Variants in MSRA observed in about 807,000 individuals in gnomAD.
The protein encoded by MSRA is mitochondrial peptide methionine sulfoxide reductase.
In MSRA, 54 loss-of-function variants were observed where a neutral mutation model predicts 31.3. The ratio of observed to expected loss-of-function variants is 1.73; its 90% CI spans 1.39 to 2.17. MSRA has a LOEUF of 2.17. Among genes scored for constraint, MSRA ranks in the 30% most tolerant of loss-of-function variants. The pLI is 0.00. For missense variants in MSRA, 507 were observed against 300.9 expected (o/e 1.69, Z -5.07); for synonymous variants, 169 against 116.5 (o/e 1.45, Z -2.90).
intron 5 of MSRA, among the ~76,000 whole-genome samples, chr8:10,355,132 C>T (rs545513711): frequency 1.1e-4 from 16 of 152,332 alleles, no homozygotes; most frequent in African/African-American, 3.6e-4. Flanking sequence ...GGGTTCCGTG[C>T]ACCTCCTTTA....
intron 3 of MSRA, among the ~76,000 whole-genome samples, chr8:10,300,822 A>G (rs550562783): frequency 3.3e-5 from 5 of 152,356 alleles, no homozygotes; most frequent in Admixed American, 6.5e-5. Context: ...TGAATTTCAC[A>G]GGTACAAGCA....
At chr8:10,295,350 C>T (rs1800476161) in intron 3 of MSRA, among the ~76,000 whole-genome samples, 1 of 152,074 alleles carries the variant, frequency 6.6e-6, no homozygotes, top group African/African-American at 2.4e-5. Context: ...CATTTCTTGT[C>T]CCCACGAAGC....
chr8:10,376,536 C>T (rs1424032338), intron 5 of MSRA, among the ~76,000 whole-genome samples: 2 of 152,302 alleles, frequency 1.3e-5, no homozygotes, highest in East Asian at 1.9e-4. Flanking sequence ...ATAGGACCTG[C>T]CTCCTGGGGT....
At chr8:10,117,316 G>A (rs1239340763) in intron 1 of MSRA, among the ~76,000 whole-genome samples, 1 of 152,192 alleles carries the variant, frequency 6.6e-6, no homozygotes, top group East Asian at 1.9e-4. Context: ...AAAGAATCGT[G>A]AAGGGAAAAT....
intron 3 of MSRA, among the ~76,000 whole-genome samples, chr8:10,277,901 A>T (rs1585343799): frequency 6.6e-6 from 1 of 152,218 alleles, no homozygotes; most frequent in African/African-American, 2.4e-5. Flanking sequence ...CAATAAAAAC[A>T]AATTAAGAAA....
intron 2 of MSRA, among the ~76,000 whole-genome samples, chr8:10,226,026 A>G (rs1014252822): frequency 5.9e-5 from 9 of 152,240 alleles, no homozygotes; most frequent in Admixed American, 6.5e-5. Context: ...GGAAGAGCTC[A>G]TGATGCTAGT....
chr8:10,422,992 C>T (rs1459424695), intron 5 of MSRA, among the ~76,000 whole-genome samples: 2 of 152,236 alleles, frequency 1.3e-5, no homozygotes, highest in African/African-American at 2.4e-5. Flanking sequence ...TGCCCTGCCT[C>T]CCTCTGTCCA....
chr8:10,358,334 A>G (rs1037535292), intron 5 of MSRA, among the ~76,000 whole-genome samples: 10 of 152,300 alleles, frequency 6.6e-5, no homozygotes, highest in African/African-American at 2.4e-4. Context: ...GCGCTATACC[A>G]TCAGTGATGA....
rs538640555 is a variant in MSRA, at chr8:10,133,975, C to A, written c.143-73858C>A. Among the ~76,000 whole-genome samples, 4 of 152,144 alleles carry A rather than the reference C, an allele frequency of 2.6e-5. No individual in the cohort carries two copies. In the South Asian group the frequency reaches 8.3e-4, roughly 32 times the overall value. ...CCTCCTGAGTAGCTGGGATTACAGG[C>A]ACCTGCCACCATGCCTGGCTAATTT... On this transcript the variant is annotated intron_variant, in intron 1 of 5. Coordinates refer to ENST00000317173, the MANE Select transcript of MSRA (RefSeq NM_012331.5).
intron 1 of MSRA, among the ~76,000 whole-genome samples, chr8:10,141,610 C>T (rs561544872): frequency 5.3e-5 from 8 of 152,132 alleles, no homozygotes; most frequent in Non-Finnish European, 1.2e-4. Flanking sequence ...CTGCTGTGCA[C>T]ATAATTTGTA....
chr8:10,425,016 T>C (rs927804512), intron 5 of MSRA, among the ~76,000 whole-genome samples: 1 of 151,916 alleles, frequency 6.6e-6, no homozygotes, highest in Non-Finnish European at 1.5e-5. Flanking sequence ...CCGAGGGGAG[T>C]GACTTGCAAG....
intron 1 of MSRA, among the ~76,000 whole-genome samples, chr8:10,171,476 G>C (rs187410852): frequency 3.3e-5 from 5 of 151,914 alleles, no homozygotes; most frequent in Admixed American, 3.3e-4. Context: ...GTTTCCGTGA[G>C]AGAAAACAAG....
intron 1 of MSRA, among the ~76,000 whole-genome samples, chr8:10,061,490 T>C (rs1802722160): frequency 6.6e-6 from 1 of 152,172 alleles, no homozygotes; most frequent in Non-Finnish European, 1.5e-5. Flanking sequence ...TTCTATGGCA[T>C]CTTGCGTTGC....
At chr8:10,400,608 G>A (rs554147383) in intron 5 of MSRA, among the ~76,000 whole-genome samples, 7 of 152,290 alleles carry the variant, frequency 4.6e-5, no homozygotes, top group Admixed American at 1.3e-4. Context: ...AGAGATGTAG[G>A]GCATGGAGGC....
intron 4 of MSRA, among the ~76,000 whole-genome samples, chr8:10,308,493 C>G (rs530015799): frequency 7.9e-5 from 12 of 152,194 alleles, no homozygotes; most frequent in Non-Finnish European, 1.8e-4. Flanking sequence ...ATTCCCTGCT[C>G]CATAATGCCC....
intron 5 of MSRA, among the ~76,000 whole-genome samples, chr8:10,409,472 T>G (rs780755814): frequency 2.0e-5 from 3 of 152,194 alleles, no homozygotes; most frequent in Non-Finnish European, 4.4e-5. Context: ...GGTGAGTGGT[T>G]GAGAACCATG....
At chr8:10,299,693 T>G (rs1181306183) in intron 3 of MSRA, among the ~76,000 whole-genome samples, 3 of 152,142 alleles carry the variant, frequency 2.0e-5, no homozygotes, top group Non-Finnish European at 2.9e-5. Context: ...AATAAAACAA[T>G]AGAATCCTAT....
intron 5 of MSRA, among the ~76,000 whole-genome samples, chr8:10,423,764 G>C (rs1456040713): frequency 2.0e-5 from 3 of 152,328 alleles, no homozygotes; most frequent in South Asian, 4.1e-4. Context: ...GTGGCTGCCT[G>C]AGTCCGTCGT....
At chr8:10,111,358 C>A (rs1236491216) in intron 1 of MSRA, among the ~76,000 whole-genome samples, 2 of 152,154 alleles carry the variant, frequency 1.3e-5, no homozygotes, top group Non-Finnish European at 2.9e-5. Flanking sequence ...AGATGCTACA[C>A]CACTGCGTCT....
Sources: allele counts gnomAD v4.1 joint callset (sites outside exome capture counted in the v4.1 genomes callset), GRCh38; gene constraint gnomAD v4.1.1; transcripts MANE v1.5; gene names NCBI Gene and HGNC (gene_info 2026-07-23, HGNC 2026-07-21).